The following ITGBL1 variants were observed in gnomAD, a reference collection of about 807,000 sequenced individuals.
The protein encoded by ITGBL1 is integrin subunit beta like 1.
A neutral mutation model predicts 68.5 loss-of-function variants in ITGBL1; 51 were observed. That is an observed-to-expected ratio of 0.74 (90% CI 0.59 to 0.94). ITGBL1 has a LOEUF of 0.94. ITGBL1 is among the 40% of genes least tolerant of loss of function. ITGBL1 has a pLI of 0.00. For missense variants in ITGBL1, 649 were observed against 647.4 expected (o/e 1.00, Z -0.03); for synonymous variants, 209 against 227.3 (o/e 0.92, Z 0.72).
chr13:101,714,546 G>A lies in ITGBL1; in HGVS notation c.1388G>A (p.Cys463Tyr), dbSNP rs2034628082. The A allele has an allele frequency of 1.3e-6, 2 of 1,575,384 alleles. No individual in the cohort carries two copies. The highest frequency in any genetic ancestry group is 1.7e-4 in the Middle Eastern group (1 of 5,986). ...TGCGACAAACATGATGGTCTCATTTGTACAGGTGCAGTATTAACCTTTTCT... is the reference window on the plus strand; with the variant it reads ...TGCGACAAACATGATGGTCTCATTTATACAGGTGCAGTATTAACCTTTTCT... ...RDCDKHDGLI[C>Y]TGNGICSCGN... Residue 463 changes from cysteine to tyrosine, a missense_variant, in exon 10 of 11, where the codon TGT (cysteine) becomes TAT (tyrosine). Coordinates refer to ENST00000376180, the MANE Select transcript of ITGBL1 (RefSeq NM_004791.3).
At chr13:101,455,554 C>G (rs2139610605) in intron 2 of ITGBL1, among the ~76,000 whole-genome samples, 1 of 152,264 alleles carries the variant, frequency 6.6e-6, no homozygotes, top group East Asian at 1.9e-4. Context: ...GTAATCCCAG[C>G]TACTTGGGAG....
At chr13:101,479,862 T>C (rs2048591722) in intron 2 of ITGBL1, among the ~76,000 whole-genome samples, 1 of 152,054 alleles carries the variant, frequency 6.6e-6, no homozygotes, top group Non-Finnish European at 1.5e-5. Context: ...CTTACAGTGT[T>C]GGTGGGAATG....
At chr13:101,555,162 A>C (rs1250394473) in intron 2 of ITGBL1, among the ~76,000 whole-genome samples, 2 of 152,226 alleles carry the variant, frequency 1.3e-5, no homozygotes, top group African/African-American at 4.8e-5. Context: ...AGCTTAAAAA[A>C]TAGAATTTTT....
chr13:101,714,051 T>A (rs138468503), intron 9 of ITGBL1: 396 of 165,806 alleles, frequency 2.4e-3, no homozygotes, highest in African/African-American at 9.0e-3. Context: ...TTAATACAAT[T>A]CCCTATTCAT....
intron 7 of ITGBL1, among the ~76,000 whole-genome samples, chr13:101,640,671 T>A (rs116524037): frequency 0.011 from 1,711 of 152,300 alleles, 26 homozygotes; most frequent in African/African-American, 0.039. Flanking sequence ...GCAGGTTTGT[T>A]ACATGGGTAC....
intron 7 of ITGBL1, among the ~76,000 whole-genome samples, chr13:101,686,091 G>C (rs1008142210): frequency 2.0e-5 from 3 of 151,962 alleles, no homozygotes; most frequent in African/African-American, 7.2e-5. Context: ...CTTCTTTTTG[G>C]GAAGTTTACT....
intron 2 of ITGBL1, among the ~76,000 whole-genome samples, chr13:101,509,228 C>A (rs1472206599): frequency 6.6e-6 from 1 of 152,040 alleles, no homozygotes; most frequent in Non-Finnish European, 1.5e-5. Flanking sequence ...TTTTTTAAAC[C>A]ATCAGATCTC....
intron 7 of ITGBL1, among the ~76,000 whole-genome samples, chr13:101,632,352 A>C (rs760547495): frequency 1.3e-5 from 2 of 152,230 alleles, no homozygotes; most frequent in Non-Finnish European, 2.9e-5. Flanking sequence ...AACCCCAATG[A>C]GTTATCCCTG....
intron 7 of ITGBL1, among the ~76,000 whole-genome samples, chr13:101,683,506 A>G (rs1209843906): frequency 2.0e-5 from 3 of 152,008 alleles, no homozygotes; most frequent in African/African-American, 7.2e-5. Context: ...TCTCCTTTGA[A>G]GTTGCTAAGA....
At chr13:101,607,685 G>T (rs2030935593) in intron 7 of ITGBL1, among the ~76,000 whole-genome samples, 1 of 152,000 alleles carries the variant, frequency 6.6e-6, no homozygotes. Flanking sequence ...TTATACAGGT[G>T]TGCTCTCCTG....
At chr13:101,492,939 G>C (rs180961522) in intron 2 of ITGBL1, among the ~76,000 whole-genome samples, 133 of 152,316 alleles carry the variant, frequency 8.7e-4, no homozygotes, top group African/African-American at 2.9e-3. Flanking sequence ...GCTTCAGGCT[G>C]CCTAAGGATA....
At chr13:101,682,188 G>A (rs1483991424) in intron 7 of ITGBL1, among the ~76,000 whole-genome samples, 1 of 152,100 alleles carries the variant, frequency 6.6e-6, no homozygotes, top group African/African-American at 2.4e-5. Context: ...CAATTAATCA[G>A]GATGTGAACC....
chr13:101,514,268 C>A (rs770633576), intron 2 of ITGBL1, among the ~76,000 whole-genome samples: 1 of 152,044 alleles, frequency 6.6e-6, no homozygotes, highest in Admixed American at 6.6e-5. Context: ...GGGAAACTTG[C>A]AGTTTGAAAG....
At chr13:101,616,168 G>A (rs2031353651) in intron 7 of ITGBL1, among the ~76,000 whole-genome samples, 1 of 152,172 alleles carries the variant, frequency 6.6e-6, no homozygotes, top group African/African-American at 2.4e-5. Context: ...AAATTAAGAG[G>A]GTGAGGGAGG....
chr13:101,502,356 T>G (rs771866915), intron 2 of ITGBL1, among the ~76,000 whole-genome samples: 13 of 152,168 alleles, frequency 8.5e-5, no homozygotes, highest in Non-Finnish European at 1.8e-4. Context: ...CTGTGTCCCA[T>G]CCTAAGTTTG....
At chr13:101,712,899 C>A (rs1261110263) in intron 9 of ITGBL1, 1 of 152,182 alleles carries the variant, frequency 6.6e-6, no homozygotes, top group Non-Finnish European at 1.5e-5. Flanking sequence ...GACCTGGGAG[C>A]AGCAGCTCAC....
intron 8 of ITGBL1, among the ~76,000 whole-genome samples, chr13:101,694,712 G>A (rs1167096594): frequency 2.0e-5 from 3 of 152,136 alleles, no homozygotes; most frequent in Non-Finnish European, 4.4e-5. Flanking sequence ...GTGAGCCACT[G>A]AGCCTGGCCA....
chr13:101,533,381 G>A (rs978113795), intron 2 of ITGBL1, among the ~76,000 whole-genome samples: 2 of 152,146 alleles, frequency 1.3e-5, no homozygotes, highest in African/African-American at 4.8e-5. Flanking sequence ...GCAACCCAGG[G>A]ATTGGACCTA....
chr13:101,537,061 C>T (rs562790059), intron 2 of ITGBL1, among the ~76,000 whole-genome samples: 1 of 54,908 alleles, frequency 1.8e-5, no homozygotes, highest in African/African-American at 7.9e-5. Context: ...TTTCTATTCC[C>T]CATTGGATAA....
Sources: allele counts gnomAD v4.1 joint callset (sites outside exome capture counted in the v4.1 genomes callset), GRCh38; gene constraint gnomAD v4.1.1; transcripts MANE v1.5; gene names NCBI Gene and HGNC (gene_info 2026-07-23, HGNC 2026-07-21).